DAB1: variants seen among roughly 807,000 people sequenced by gnomAD.
DAB1 encodes the protein disabled homolog 1.
Under a neutral mutation model 64.6 loss-of-function variants are expected in DAB1, and 15 were observed. The ratio of observed to expected loss-of-function variants is 0.23; its 90% CI spans 0.16 to 0.36. The LOEUF (loss-of-function observed/expected upper bound fraction) is 0.36. Ranked by LOEUF, DAB1 falls within the 10% of genes least tolerant of loss-of-function variation. The pLI is 1.00. For synonymous variants in DAB1, 235 were observed against 251.9 expected (o/e 0.93, Z 0.64); for missense variants, 596 against 706.7 (o/e 0.84, Z 1.78).
At chr1:57,478,457 G>A (rs1232844292) in intron 7 of DAB1, among the ~76,000 whole-genome samples, 1 of 151,828 alleles carries the variant, frequency 6.6e-6, no homozygotes, top group Admixed American at 6.6e-5. Context: ...TAGCAAATGG[G>A]GATTTATTGG....
At chr1:57,955,539 T>TAAG (rs10646186) in intron 5 of DAB1, among the ~76,000 whole-genome samples, 125,240 of 151,860 alleles carry the variant, frequency 0.82, 52,743 homozygotes, top group Admixed American at 0.92. Context: ...TGTCATTTTC[T>TAAG]GTTTCACTTT....
At chr1:57,185,215 A>G (rs1663411973) in intron 2 of DAB1, among the ~76,000 whole-genome samples, 1 of 151,652 alleles carries the variant, frequency 6.6e-6, no homozygotes, top group African/African-American at 2.4e-5. Flanking sequence ...CACCACTCCT[A>G]CCCCTACCAT....
intron 3 of DAB1, among the ~76,000 whole-genome samples, chr1:58,472,217 G>A (rs1201071332): frequency 2.6e-5 from 4 of 152,098 alleles, no homozygotes; most frequent in Non-Finnish European, 1.5e-5. Flanking sequence ...CTATCTTATT[G>A]TCTAATCCCA....
intron 1 of DAB1, among the ~76,000 whole-genome samples, chr1:57,342,379 C>T (rs977127679): frequency 1.3e-5 from 2 of 152,178 alleles, no homozygotes; most frequent in Non-Finnish European, 2.9e-5. Context: ...TGCTGAGTTT[C>T]TTCATGGAAG....
chr1:58,434,785 A>C (rs1482750000), intron 3 of DAB1, among the ~76,000 whole-genome samples: 1 of 152,200 alleles, frequency 6.6e-6, no homozygotes, highest in African/African-American at 2.4e-5. Flanking sequence ...AAAATTAAAC[A>C]AAGTGCATCC....
At chr1:57,615,917 T>C (rs1645786326) in intron 7 of DAB1, among the ~76,000 whole-genome samples, 1 of 152,212 alleles carries the variant, frequency 6.6e-6, no homozygotes, top group Admixed American at 6.5e-5. Context: ...TCGTCATAGC[T>C]GAGTGTGAGG....
chr1:57,371,818 G>A (rs1680520938), intron 1 of DAB1, among the ~76,000 whole-genome samples: 1 of 152,220 alleles, frequency 6.6e-6, no homozygotes, highest in Non-Finnish European at 1.5e-5. Context: ...TTACACCCCA[G>A]GGGACAATGT....
chr1:57,954,273 C>A (rs1645339941), intron 5 of DAB1, among the ~76,000 whole-genome samples: 1 of 152,170 alleles, frequency 6.6e-6, no homozygotes, highest in Non-Finnish European at 1.5e-5. Flanking sequence ...TGATCCAAAG[C>A]ATACAGAAGC....
At chr1:58,197,779 T>C (rs550324901) in intron 4 of DAB1, among the ~76,000 whole-genome samples, 1 of 150,278 alleles carries the variant, frequency 6.7e-6, no homozygotes, top group South Asian at 2.1e-4. Context: ...AATTCAAAAC[T>C]ACATTTCAGC....
chr1:58,464,615 C>T (rs1248810004), intron 3 of DAB1, among the ~76,000 whole-genome samples: 1 of 152,228 alleles, frequency 6.6e-6, no homozygotes, highest in East Asian at 1.9e-4. Flanking sequence ...TTTCCCTCAT[C>T]TATCGGATAT....
chr1:58,295,701 T>A (rs1278064194), intron 4 of DAB1, among the ~76,000 whole-genome samples: 1 of 152,154 alleles, frequency 6.6e-6, no homozygotes, highest in Non-Finnish European at 1.5e-5. Flanking sequence ...GCCTGGCCTC[T>A]GGTGGAGGCT....
At chr1:57,084,752 C>T (rs537451996) in intron 4 of DAB1, among the ~76,000 whole-genome samples, 140 of 152,270 alleles carry the variant, frequency 9.2e-4, no homozygotes, top group African/African-American at 2.2e-3. Context: ...ACTGACAGAA[C>T]TTGCTACTTA....
intron 2 of DAB1, among the ~76,000 whole-genome samples, chr1:57,194,601 C>T (rs1269987404): frequency 6.6e-6 from 1 of 152,146 alleles, no homozygotes; most frequent in Non-Finnish European, 1.5e-5. Context: ...GAAACAAAAT[C>T]CATTAACACC....
At chr1:57,430,146 C>G (rs1388768279) in intron 7 of DAB1, among the ~76,000 whole-genome samples, 1 of 151,800 alleles carries the variant, frequency 6.6e-6, no homozygotes, top group Non-Finnish European at 1.5e-5. Context: ...TCATTTGTAT[C>G]TTCTTTAATT....
rs554591340 is a variant in DAB1, at chr1:58,516,830, A to G, written n.107+10431T>C. Among the ~76,000 whole-genome samples the G allele has an allele frequency of 6.0e-4, 92 of 152,334 alleles. 2 individuals are homozygous for G. The South Asian group carries it at 0.018, about 31-fold the overall frequency. On this transcript the variant is annotated intron_variant and non_coding_transcript_variant, in intron 2 of 20. Coordinates refer to the DAB1 transcript ENST00000485760. ...AATGCCAACTTCTTAATTTACAGAG[A>G]TAACTACAGCTGCCCAAACCAGCAA... is the stretch of plus-strand genomic sequence containing the variant.
chr1:57,703,978 C>A (rs540790701), intron 6 of DAB1, among the ~76,000 whole-genome samples: 4 of 152,110 alleles, frequency 2.6e-5, no homozygotes, highest in Admixed American at 2.0e-4. Flanking sequence ...TAAGTGGGAG[C>A]TAAATGATGA....
chr1:58,398,089 CA>C (rs1644538110), intron 3 of DAB1, among the ~76,000 whole-genome samples: 1 of 152,230 alleles, frequency 6.6e-6, no homozygotes, highest in African/African-American at 2.4e-5. Flanking sequence ...TCTATCTTCA[CA>C]GCTGCCAGAA....
intron 5 of DAB1, among the ~76,000 whole-genome samples, chr1:58,020,222 C>T (rs751453921): frequency 3.3e-5 from 5 of 152,170 alleles, no homozygotes; most frequent in Non-Finnish European, 7.4e-5. Context: ...CAACATTAAG[C>T]TAGGTTACTT....
chr1:57,686,805 T>C (rs1156872696), intron 6 of DAB1, among the ~76,000 whole-genome samples: 3 of 152,120 alleles, frequency 2.0e-5, no homozygotes, highest in African/African-American at 4.8e-5. Context: ...GTAAAAATGA[T>C]CATCTCAATA....
Sources: allele counts gnomAD v4.1 joint callset (sites outside exome capture counted in the v4.1 genomes callset), GRCh38; gene constraint gnomAD v4.1.1; transcripts MANE v1.5; gene names NCBI Gene and HGNC (gene_info 2026-07-23, HGNC 2026-07-21).